The following ASB3 variants were observed in gnomAD, a reference collection of about 807,000 sequenced individuals.
ASB3 encodes the protein ankyrin repeat and SOCS box containing 3, also known as ankyrin repeat and SOCS box protein 3.
In ASB3, 41 loss-of-function variants were observed where a neutral mutation model predicts 54.5. The ratio of observed to expected loss-of-function variants is 0.75; its 90% confidence interval spans 0.59 to 0.98. The LOEUF (loss-of-function observed/expected upper bound fraction) is 0.98. Ranked by LOEUF, ASB3 falls within the 50% of genes least tolerant of loss-of-function variation. The pLI, the probability that ASB3 is intolerant of heterozygous loss-of-function variation, is 0.00. For synonymous variants in ASB3, 266 were observed against 221.2 expected, an observed-to-expected ratio of 1.20 and a Z score of -1.80; for missense variants, 733 against 620.0, an observed-to-expected ratio of 1.18 and a Z score of -1.94.
At chr2:53,762,218 T>A (rs1357631863) in intron 2 of ASB3, among the ~76,000 whole-genome samples, 1 of 151,934 alleles carries the variant, frequency 6.6e-6, no homozygotes, top group Non-Finnish European at 1.5e-5. Context: ...AATATAGACA[T>A]ACACATACAC....
At chr2:53,730,132 T>C (rs113551548) in intron 3 of ASB3, among the ~76,000 whole-genome samples, 1 of 152,126 alleles carries the variant, frequency 6.6e-6, no homozygotes, top group African/African-American at 2.4e-5. Flanking sequence ...AAATAAAAAA[T>C]GTTGTTAAAG....
intron 5 of ASB3, among the ~76,000 whole-genome samples, chr2:53,726,946 G>A (rs1453721588): frequency 1.3e-5 from 2 of 152,048 alleles, no homozygotes; most frequent in Non-Finnish European, 2.9e-5. Flanking sequence ...CAAAGCGCTG[G>A]GATTAGACAT....
intron 8 of ASB3, among the ~76,000 whole-genome samples, chr2:53,699,225 T>C (rs1014296112): frequency 6.6e-6 from 1 of 152,222 alleles, no homozygotes; most frequent in South Asian, 2.1e-4. Context: ...GGGCACCATC[T>C]TGATGATCTT....
At chr2:53,706,391 C>G (rs995419940) in intron 7 of ASB3, among the ~76,000 whole-genome samples, 6 of 151,938 alleles carry the variant, frequency 3.9e-5, no homozygotes, top group African/African-American at 9.7e-5. Flanking sequence ...AATGAAGAAG[C>G]AGGTATGTAA....
At chr2:53,765,932 T>G (rs985950581) in intron 1 of ASB3, among the ~76,000 whole-genome samples, 2 of 117,202 alleles carry the variant, frequency 1.7e-5, no homozygotes, top group Non-Finnish European at 4.4e-5. Flanking sequence ...GAGCACCCTC[T>G]TTGGTGCTCC....
At chr2:53,748,076 T>TG (rs1437260001) in intron 3 of ASB3, among the ~76,000 whole-genome samples, 1 of 152,144 alleles carries the variant, frequency 6.6e-6, no homozygotes, top group African/African-American at 2.4e-5. Flanking sequence ...CCTGTAAAAG[T>TG]GGGAATAATA....
At chr2:53,761,865 A>G (rs1349525849) in intron 2 of ASB3, among the ~76,000 whole-genome samples, 2 of 152,278 alleles carry the variant, frequency 1.3e-5, no homozygotes, top group African/African-American at 2.4e-5. Context: ...AGATATATAC[A>G]TAAGGATGTT....
intron 3 of ASB3, among the ~76,000 whole-genome samples, chr2:53,749,213 T>C (rs148841672): frequency 1.3e-4 from 20 of 152,166 alleles, no homozygotes; most frequent in Non-Finnish European, 2.2e-4. Context: ...CTCAACATCA[T>C]TGGCAATTAG....
chr2:53,704,275 G>C (rs555802407), intron 7 of ASB3, among the ~76,000 whole-genome samples: 101 of 149,106 alleles, frequency 6.8e-4, no homozygotes, highest in Admixed American at 3.6e-3. Flanking sequence ...CATGAGAAAC[G>C]CCACAACCCA....
At chr2:53,759,347 T>C (rs969029614) in intron 2 of ASB3, among the ~76,000 whole-genome samples, 6 of 152,320 alleles carry the variant, frequency 3.9e-5, no homozygotes, top group African/African-American at 1.4e-4. Flanking sequence ...CTACCGCCTT[T>C]CTGGAGACAC....
chr2:53,679,993 A>G (rs893596379), intron 9 of ASB3, among the ~76,000 whole-genome samples: 3 of 152,108 alleles, frequency 2.0e-5, no homozygotes, highest in Non-Finnish European at 4.4e-5. Context: ...AACATGTAGT[A>G]CATGGTTTTC....
At chr2:53,738,261 T>C (rs1405526370) in intron 3 of ASB3, among the ~76,000 whole-genome samples, 1 of 152,218 alleles carries the variant, frequency 6.6e-6, no homozygotes, top group Non-Finnish European at 1.5e-5. Context: ...CGCCTTTTTA[T>C]GTGAGACCCA....
intron 1 of ASB3, among the ~76,000 whole-genome samples, chr2:53,783,104 C>T (rs1165655815): frequency 6.6e-6 from 1 of 151,792 alleles, no homozygotes; most frequent in Non-Finnish European, 1.5e-5. Context: ...AAAAGCACAA[C>T]AGACAGAAAG....
chr2:53,704,376 AG>A (rs1290256706), intron 7 of ASB3, among the ~76,000 whole-genome samples: 10 of 145,204 alleles, frequency 6.9e-5, no homozygotes, highest in African/African-American at 2.0e-4. Flanking sequence ...AAAAAAAAAA[AG>A]GGAAAAAATA....
intron 9 of ASB3, among the ~76,000 whole-genome samples, chr2:53,673,550 G>C (rs1667928454): frequency 6.6e-6 from 1 of 152,082 alleles, no homozygotes; most frequent in Non-Finnish European, 1.5e-5. Flanking sequence ...TTAACCATTA[G>C]TGATCAAGCC....
rs35978677 is a variant in ASB3 at position 53,721,123 on chromosome 2, TATAAATAAATAA to T, written c.605-4392_605-4381del. Among the ~76,000 whole-genome samples, 547 of 141,442 alleles carry T rather than the reference TATAAATAAATAA, an allele frequency of 3.9e-3. 3 individuals carry two copies. The highest frequency in any genetic ancestry group is 0.021 in the Middle Eastern group (6 of 280). 92.8% of individuals were successfully genotyped at this position (141,442 alleles called of 152,430 possible). ...CAGAGCAAGACCCTGTCTCCAGAAATATAAATAAATAAATAAATAAATAAATAAATAAATAAA... is the reference window on the plus strand; with the variant it reads ...CAGAGCAAGACCCTGTCTCCAGAAATATAAATAAATAAATAAATAAATAAA... On this transcript the variant is annotated intron_variant, in intron 5 of 9. Transcript: ENST00000263634.
chr2:53,765,104 C>A (rs1042529178), intron 2 of ASB3, among the ~76,000 whole-genome samples: 18 of 152,152 alleles, frequency 1.2e-4, no homozygotes, highest in Admixed American at 6.5e-5. Flanking sequence ...TGCTTAAATT[C>A]AAACAGCAGA....
At chr2:53,740,567 A>G (rs1407159314) in intron 3 of ASB3, among the ~76,000 whole-genome samples, 6 of 152,356 alleles carry the variant, frequency 3.9e-5, no homozygotes, top group Middle Eastern at 3.4e-3. Flanking sequence ...TTTAAAAATT[A>G]TACTAAAAAG....
At chr2:53,763,234 CT>C (rs1435054279) in intron 2 of ASB3, among the ~76,000 whole-genome samples, 1 of 152,188 alleles carries the variant, frequency 6.6e-6, no homozygotes, top group Non-Finnish European at 1.5e-5. Context: ...TGGTGTGCAC[CT>C]GTAGTCCCAG....
Sources: gnomAD v4.1 joint callset for allele counts (sites outside exome capture counted in the v4.1 genomes callset) on GRCh38, gnomAD v4.1.1 for gene constraint, MANE v1.5 for transcripts, NCBI Gene and HGNC (gene_info 2026-07-23, HGNC 2026-07-21) for gene names.